Variants in PLEKHA3 observed in about 807,000 individuals in gnomAD.
PLEKHA3 encodes the protein pleckstrin homology domain containing A3, also known as pleckstrin homology domain-containing family A member 3.
In PLEKHA3, 19 loss-of-function variants were observed where a neutral mutation model predicts 39.2. The observed-to-expected ratio is 0.48, with a 90% CI of 0.34 to 0.71. The LOEUF (loss-of-function observed/expected upper bound fraction) is 0.71, where lower values mean the gene tolerates loss of function less well. Ranked by LOEUF, PLEKHA3 falls within the 30% of genes least tolerant of loss-of-function variation. The pLI is 0.01. For missense variants in PLEKHA3, 253 were observed against 359.5 expected (o/e 0.70, Z 2.40); for synonymous variants, 97 against 118.6 (o/e 0.82, Z 1.18).
At chr2:178,490,280 A>T (rs772687082) in intron 2 of PLEKHA3, among the ~76,000 whole-genome samples, 20 of 152,362 alleles carry the variant, frequency 1.3e-4, no homozygotes, top group Non-Finnish European at 2.4e-4. Flanking sequence ...GGCACTATAT[A>T]TGAAAACAAA....
chr2:178,489,808 T>G (rs1002870598), intron 2 of PLEKHA3, among the ~76,000 whole-genome samples: 2 of 152,210 alleles, frequency 1.3e-5, no homozygotes, highest in Admixed American at 6.5e-5. Flanking sequence ...CCTTTTTAAA[T>G]TACTTTCTCT....
Position 178,480,832 on chromosome 2 carries a change from G to C in PLEKHA3, c.-38G>C. ...CGCCTACCCCATCACCGCGGCCGGC[G>C]CCGGGCCGGGAGGATGCGCGGTGTG... is the stretch of plus-strand genomic sequence containing the variant. On this transcript the variant is annotated 5_prime_UTR_variant, in exon 1 of 8. Transcript: ENST00000234453. 7.6e-7 allele frequency: 1 copy of C among 1,316,494 alleles called. No homozygotes were observed. Among genetic ancestry groups the C allele is most frequent in the Non-Finnish European group, 9.8e-7 (1 of 1,023,988 alleles). 81.6% of individuals were successfully genotyped at this position (1,316,494 alleles called of 1,614,324 possible). A position where few individuals can be genotyped will look rare whatever the true frequency, so the allele number is the denominator to read the frequency against.
At position 178,515,886 on chromosome 2, in the gene PLEKHA3, C is replaced by T. The variant is rs576543231; in HGVS notation, c.*11999C>T. The T allele has an allele frequency of 1.3e-4, 19 of 151,936 alleles. No homozygotes were observed. The highest frequency in any genetic ancestry group is 1.2e-3 in the East Asian group (6 of 5,176). 9.4% of individuals were successfully genotyped at this position (151,936 alleles called of 1,614,324 possible). A position where few individuals can be genotyped will look rare whatever the true frequency, so the allele number is the denominator to read the frequency against. ...ATTTGCACCCTAACTATTGTTTTAA[C>T]CTAAACATAAATAAGCAAGCATTAG... On this transcript the variant is annotated 3_prime_UTR_variant, in exon 8 of 8. Coordinates refer to ENST00000234453, the MANE Select transcript of PLEKHA3 (RefSeq NM_019091.4).
chr2:178,502,792 T>TCAGA (rs1685544343), intron 7 of PLEKHA3, among the ~76,000 whole-genome samples: 1 of 144,600 alleles, frequency 6.9e-6, no homozygotes, highest in African/African-American at 2.7e-5. Context: ...AAAACTAGTC[T>TCAGA]CACACACACA....
intron 2 of PLEKHA3, among the ~76,000 whole-genome samples, chr2:178,488,118 G>GAAA (rs956041867): frequency 1.4e-5 from 2 of 142,998 alleles, no homozygotes; most frequent in African/African-American, 5.1e-5. Context: ...CCACAAAAAG[G>GAAA]AAAAAAAAAA....
chr2:178,484,266 T>G (rs1221435707), intron 1 of PLEKHA3, among the ~76,000 whole-genome samples: 1 of 152,172 alleles, frequency 6.6e-6, no homozygotes, highest in Non-Finnish European at 1.5e-5. Context: ...ATAACTTACC[T>G]TCTAATTTGT....
chr2:178,494,494 ACT>A (rs140375512), intron 4 of PLEKHA3, among the ~76,000 whole-genome samples: 13,146 of 152,018 alleles, frequency 0.086, 863 homozygotes, highest in Non-Finnish European at 0.13. Context: ...GAGCTATACC[ACT>A]CTCTGGGTGA....
Position 178,504,250 on chromosome 2 carries a change from G to T in PLEKHA3, c.*363G>T. 1 of 165,422 alleles carries T rather than the reference G, an allele frequency of 6.0e-6. No homozygotes were observed. Among genetic ancestry groups the T allele is most frequent in the South Asian group, 1.7e-4 (1 of 6,026 alleles). The allele number at this position is 165,422 out of a possible 1,614,324, so 10.2% of individuals were successfully genotyped here. ...GCTTATAAACATGAAATCTTATAAG[G>T]TTTCAGTTTGACAGAAGTGTGATAT... On this transcript the variant is annotated 3_prime_UTR_variant, in exon 8 of 8. Coordinates refer to ENST00000234453, the MANE Select transcript of PLEKHA3 (RefSeq NM_019091.4).
intron 7 of PLEKHA3, 71 bp from the exon 8 acceptor site, chr2:178,503,689 A>G: frequency 2.0e-6 from 3 of 1,490,358 alleles, no homozygotes; most frequent in Non-Finnish European, 2.7e-6. Context: ...AGGAAATTTA[A>G]AATGTTCTTT....
At position 178,509,721 on chromosome 2, in the gene PLEKHA3, T is replaced by G. The variant is rs1304259627; in HGVS notation, c.*5834T>G. On this transcript the variant is annotated 3_prime_UTR_variant, in exon 8 of 8. Coordinates refer to ENST00000234453, the MANE Select transcript of PLEKHA3 (RefSeq NM_019091.4). ...CTCAAACTCCTGGGCTCAAGGGATCTGCCTGCCTTGACTTTCCAAAATTCT... is the reference window on the plus strand; with the variant it reads ...CTCAAACTCCTGGGCTCAAGGGATCGGCCTGCCTTGACTTTCCAAAATTCT... 6.6e-6 allele frequency: 1 copy of G among 152,300 alleles called. No homozygotes were observed. Among genetic ancestry groups the G allele is most frequent in the Non-Finnish European group, 1.5e-5 (1 of 68,174 alleles). The allele number at this position is 152,300 out of a possible 1,614,324, so 9.4% of individuals were successfully genotyped here. A position where few individuals can be genotyped will look rare whatever the true frequency, so the allele number is the denominator to read the frequency against.
At position 178,514,075 on chromosome 2, in the gene PLEKHA3, A is replaced by G. The variant is rs1685726057; in HGVS notation, c.*10188A>G. The G allele has an allele frequency of 6.6e-6, 1 of 150,552 alleles. No homozygotes were observed. The highest frequency in any genetic ancestry group is 2.4e-5 in the African/African-American group (1 of 40,974). The allele number at this position is 150,552 out of a possible 1,614,324, so 9.3% of individuals were successfully genotyped here. A position where few individuals can be genotyped will look rare whatever the true frequency, so the allele number is the denominator to read the frequency against. ...GGGGAGGCTTTAGAACACAGCTCTCATTTAGCTTATTATTGATTTTTTTTT... is the reference window on the plus strand; with the variant it reads ...GGGGAGGCTTTAGAACACAGCTCTCGTTTAGCTTATTATTGATTTTTTTTT... On this transcript the variant is annotated 3_prime_UTR_variant, in exon 8 of 8. Transcript: ENST00000234453.
At chr2:178,490,393 A>G (rs1318938105) in intron 2 of PLEKHA3, among the ~76,000 whole-genome samples, 1 of 152,216 alleles carries the variant, frequency 6.6e-6, no homozygotes, top group Non-Finnish European at 1.5e-5. Flanking sequence ...GAGGGCTGTC[A>G]CTTCTCAGTA....
intron 5 of PLEKHA3, 29 bp from the exon 6 acceptor site, chr2:178,499,182 A>ATT (rs371719002): frequency 9.1e-4 from 1,213 of 1,326,062 alleles, no homozygotes; most frequent in South Asian, 1.7e-3. Flanking sequence ...GATTATGCTA[A>ATT]TTTTTTTTTT....
Position 178,490,815 on chromosome 2 carries a change from G to T in PLEKHA3, c.313+1G>T. On this transcript the variant is annotated splice_donor_variant, in intron 3 of 7. Coordinates refer to ENST00000234453, the MANE Select transcript of PLEKHA3 (RefSeq NM_019091.4). LOFTEE classifies it high-confidence loss of function. ...GATACAAGGACTAAAAAAGAAAAAG[G>T]TAACTATAAACTTTTCCCTTGTGGT... is the stretch of plus-strand genomic sequence containing the variant. 1 of 1,603,530 alleles carries T rather than the reference G, an allele frequency of 6.2e-7. No individual in the cohort carries two copies. The highest frequency in any genetic ancestry group is 8.5e-7 in the Non-Finnish European group (1 of 1,175,972).
At chr2:178,493,796 C>T in intron 3 of PLEKHA3, 57 bp from the exon 4 acceptor site, 1 of 1,455,406 alleles carries the variant, frequency 6.9e-7, no homozygotes, top group Non-Finnish European at 9.4e-7. Flanking sequence ...CATTTTGTTA[C>T]ATTGCTCAAA....
At chr2:178,491,253 C>T (rs554438375) in intron 3 of PLEKHA3, among the ~76,000 whole-genome samples, 10 of 152,218 alleles carry the variant, frequency 6.6e-5, no homozygotes, top group Non-Finnish European at 1.5e-4. Flanking sequence ...TCAGGTAATC[C>T]GCTCGCCTCG....
chr2:178,483,954 G>A (rs1159946778), intron 1 of PLEKHA3, among the ~76,000 whole-genome samples: 4 of 152,104 alleles, frequency 2.6e-5, no homozygotes, highest in Non-Finnish European at 4.4e-5. Context: ...TGGCACTTCT[G>A]TAGTCCTAAC....
chr2:178,494,060 A>G (rs10173624), intron 4 of PLEKHA3, 71 bp downstream of exon 4: 4 of 1,503,772 alleles, frequency 2.7e-6, no homozygotes, highest in Admixed American at 4.1e-5. Context: ...CAGTCATTCC[A>G]TAAGATGACA....
In PLEKHA3 at chr2:178,489,734, T is replaced by G. The variant is rs914051722; in HGVS notation, c.158-925T>G. On this transcript the variant is annotated intron_variant, in intron 2 of 7. Transcript: ENST00000234453. ...GTACATTCTGTGTTTATTTTCTCAT[T>G]TAAGCTTCTTCTCATTCATTTTCTT... 2.6e-5 allele frequency among the ~76,000 whole-genome samples: 4 copies of G among 152,280 alleles called. 1 individual carries two copies. The highest frequency in any genetic ancestry group is 9.6e-5 in the African/African-American group (4 of 41,570).
Sources: gnomAD v4.1 joint callset for allele counts (sites outside exome capture counted in the v4.1 genomes callset) on GRCh38, gnomAD v4.1.1 for gene constraint, MANE v1.5 for transcripts, NCBI Gene and HGNC (gene_info 2026-07-23, HGNC 2026-07-21) for gene names.